The following NR1D2 variants were observed in gnomAD, a reference collection of about 807,000 sequenced individuals.
NR1D2 encodes V-erbA-related protein 1-related.
In NR1D2, 25 loss-of-function variants were observed where a neutral mutation model predicts 52.2. The ratio of observed to expected loss-of-function variants is 0.48; its 90% CI spans 0.35 to 0.67. The LOEUF (loss-of-function observed/expected upper bound fraction) is 0.67, where lower values mean the gene tolerates loss of function less well. NR1D2 is among the 30% of genes least tolerant of loss of function. NR1D2 has a pLI of 0.01. For synonymous variants in NR1D2, 259 were observed against 230.1 expected, an observed-to-expected ratio of 1.13 and a Z score of -1.14; for missense variants, 681 against 707.2, an observed-to-expected ratio of 0.96 and a Z score of 0.42.
intron 4 of NR1D2, among the ~76,000 whole-genome samples, chr3:23,961,565 T>G (rs1706246795): frequency 6.6e-6 from 1 of 151,910 alleles, no homozygotes; most frequent in African/African-American, 2.4e-5. Flanking sequence ...CTGGCTAGTT[T>G]TTGTTTTTTT....
chr3:23,964,844 A>G, intron 5 of NR1D2, 133 bp from the exon 6 acceptor site: 1 of 614,878 alleles, frequency 1.6e-6, no homozygotes, highest in South Asian at 2.2e-5. Flanking sequence ...ATGAAGTGCT[A>G]ATATCTCAGT....
At chr3:23,947,147 C>T (rs1020099640) in intron 1 of NR1D2, among the ~76,000 whole-genome samples, 2 of 152,120 alleles carry the variant, frequency 1.3e-5, no homozygotes, top group African/African-American at 2.4e-5. Flanking sequence ...TAGAATTAAA[C>T]TTCTACATGT....
intron 2 of NR1D2, 42 bp from the exon 3 acceptor site, chr3:23,955,995 T>C (rs1220806553): frequency 7.3e-7 from 1 of 1,371,180 alleles, no homozygotes; most frequent in South Asian, 1.2e-5. Context: ...ACAGACTCGG[T>C]GTTTCCTCCT....
chr3:23,950,649 G>A (rs1235790400), intron 1 of NR1D2, among the ~76,000 whole-genome samples: 1 of 152,208 alleles, frequency 6.6e-6, no homozygotes, highest in Admixed American at 6.5e-5. Context: ...GGAGAATGCA[G>A]CTACTTCTAG....
In NR1D2 at chr3:23,962,451, C is replaced by T; in HGVS notation, c.992C>T (p.Pro331Leu). The change falls in exon 5 of 8, where the codon CCA becomes CTA. Residue 331 changes from proline to leucine, a missense_variant. By Grantham distance (98) the Pro-to-Leu change is moderately conservative. Around this residue, in one of 3 missense-constraint regions of NR1D2, gnomAD observed 475 missense variants for 454.5 expected, o/e 1.05. Coordinates refer to ENST00000312521, the MANE Select transcript of NR1D2 (RefSeq NM_005126.5). ...QFKGRNIMHY[P>L]NGHAICIANG... Reference sequence around the variant, plus strand: ...AAAGGGAGGAATATAATGCATTACCCAAATGGTCATGCCATTTGTATTGCA... The same window carrying T: ...AAAGGGAGGAATATAATGCATTACCTAAATGGTCATGCCATTTGTATTGCA... The T allele has an allele frequency of 1.2e-6, 2 of 1,614,056 alleles. No homozygotes were observed. Among genetic ancestry groups the T allele is most frequent in the Non-Finnish European group, 1.7e-6 (2 of 1,179,980 alleles).
At position 23,979,303 on chromosome 3, in the gene NR1D2, T is replaced by A. The variant is rs1706815700; in HGVS notation, c.*1884T>A. 1 of 152,142 alleles carries A rather than the reference T, an allele frequency of 6.6e-6. No individual in the cohort carries two copies. Among genetic ancestry groups the A allele is most frequent in the Non-Finnish European group, 1.5e-5 (1 of 67,938 alleles). 9.4% of individuals were successfully genotyped at this position (152,142 alleles called of 1,614,324 possible). Reference sequence around the variant, plus strand: ...GGATATACAGTATAGTTTTTGTGAATCTTTACATGATAGCATTATCTTTTT... The same window carrying A: ...GGATATACAGTATAGTTTTTGTGAAACTTTACATGATAGCATTATCTTTTT... On this transcript the variant is annotated 3_prime_UTR_variant, in exon 8 of 8. Transcript: ENST00000312521.
intron 1 of NR1D2, among the ~76,000 whole-genome samples, chr3:23,949,333 C>T (rs1395316656): frequency 2.6e-5 from 4 of 151,976 alleles, no homozygotes; most frequent in Non-Finnish European, 5.9e-5. Context: ...CCATTGCACT[C>T]CATCCTGGGT....
intron 1 of NR1D2, 45 bp downstream of exon 1, chr3:23,945,639 C>G: frequency 5.2e-6 from 6 of 1,152,170 alleles, no homozygotes; most frequent in Non-Finnish European, 6.5e-6. Flanking sequence ...GGAGGGAGCG[C>G]TCAGAGCCCG....
In NR1D2 at chr3:23,965,129, C is replaced by G. The variant is rs777009620; in HGVS notation, c.1299C>G (p.Asp433Glu). ...GGTTCAGAGATCTCTCTCAGCATGA[C>G]CAGGTCAACCTTTTAAAGGCTGGGA... ...IPGFRDLSQH[D>E]QVNLLKAGTF... The change falls in exon 6 of 8, where the codon GAC becomes GAG. Residue 433 changes from aspartate (D) to glutamate (E), a missense_variant. Physicochemically the swap from Asp to Glu is conservative, Grantham distance 45. Around this residue, in one of 3 missense-constraint regions of NR1D2, gnomAD observed 475 missense variants for 454.5 expected, o/e 1.05. Transcript: ENST00000312521. 8.1e-6 allele frequency: 13 copies of G among 1,611,890 alleles called. No homozygotes were observed. Among genetic ancestry groups the G allele is most frequent in the African/African-American group, 1.3e-5 (1 of 74,786 alleles).
chr3:23,954,693 G>A lies in NR1D2; in HGVS notation c.173G>A (p.Gly58Asp), dbSNP rs143811972. 1.9e-5 allele frequency: 30 copies of A among 1,613,916 alleles called. No homozygotes were observed. The highest frequency in any genetic ancestry group is 2.1e-5 in the Non-Finnish European group (25 of 1,179,968). ...NSDTNGNPKN[G>D]DLANIEGILK... The stretch of plus-strand genomic sequence containing the variant: ...GATACCAATGGTAATCCCAAGAATG[G>A]TGATCTCGCCAATATTGAAGGCATC... Residue 58 changes from glycine (G) to aspartate (D), a missense_variant, in exon 2 of 8, where the codon GGT becomes GAT. Transcript: ENST00000312521.
In NR1D2 at chr3:23,945,488, C is replaced by T. The variant is rs1310315093; in HGVS notation, c.-91C>T. 7.3e-6 allele frequency: 6 copies of T among 821,704 alleles called. No individual in the cohort carries two copies. Among genetic ancestry groups the T allele is most frequent in the Non-Finnish European group, 7.6e-6 (5 of 657,600 alleles). The allele number at this position is 821,704 out of a possible 1,614,324, so 50.9% of individuals were successfully genotyped here. ...GGGGCCCCGCGACCACCGCTGCTTC[C>T]AGCCCGGGGCGGCGCGGCGCTGAGG... On this transcript the variant is annotated 5_prime_UTR_variant, in exon 1 of 8. The change creates a premature stop within an existing upstream ORF in the 5' untranslated region. Transcript: ENST00000312521.
chr3:23,945,823 C>CGGCCCCCCCCTCACAT (rs1306024090), intron 1 of NR1D2, among the ~76,000 whole-genome samples: 2 of 150,608 alleles, frequency 1.3e-5, no homozygotes, highest in African/African-American at 4.9e-5. Context: ...GCGCCCGGCC[C>CGGCCCCCCCCTCACAT]GGCCCCCCCC....
intron 5 of NR1D2, chr3:23,963,472 G>A (rs1340151019): frequency 9.6e-7 from 1 of 1,042,958 alleles, no homozygotes; most frequent in East Asian, 6.9e-5. Flanking sequence ...TTTTTTTTGA[G>A]ACATTCTTGC....
chr3:23,959,005 A>G (rs4589882), intron 3 of NR1D2, among the ~76,000 whole-genome samples: 119,942 of 152,042 alleles, frequency 0.79, 47,978 homozygotes, highest in African/African-American at 0.91. Flanking sequence ...GGTGGCTTAC[A>G]CCCTGTAAGT....
chr3:23,963,255 A>C (rs1472645463), intron 5 of NR1D2: 1 of 1,351,182 alleles, frequency 7.4e-7, no homozygotes, highest in East Asian at 4.6e-5. Context: ...AAATTTCACC[A>C]AAAACAGCAG....
intron 6 of NR1D2, among the ~76,000 whole-genome samples, chr3:23,965,873 C>T (rs1706437372): frequency 6.6e-6 from 1 of 152,154 alleles, no homozygotes; most frequent in Non-Finnish European, 1.5e-5. Context: ...AATGTGATTT[C>T]GTTTTTCGAG....
rs4858097 is a variant in NR1D2 at position 23,964,986 on chromosome 3, A to G, written c.1156A>G (p.Met386Val). 3.1e-6 allele frequency: 5 copies of G among 1,610,300 alleles called. No individual in the cohort carries two copies. The highest frequency in any genetic ancestry group is 1.3e-5 in the African/African-American group (1 of 74,722). The stretch of plus-strand genomic sequence containing the variant: ...GTTTTATGTATACTAGGTTTGTCCA[A>G]TGAGTAAGTCTCCATATGTGGATCC... ...TGGRMHLVCP[M>V]SKSPYVDPHK... Residue 386 changes from methionine to valine, a missense_variant, in exon 6 of 8, where the codon ATG becomes GTG. Transcript: ENST00000312521.
chr3:23,958,748 A>G (rs1706153097), intron 3 of NR1D2, among the ~76,000 whole-genome samples: 1 of 151,242 alleles, frequency 6.6e-6, no homozygotes, highest in Admixed American at 6.6e-5. Flanking sequence ...AGGAGTTCAA[A>G]ACCAGCCTGG....
In NR1D2 at chr3:23,979,872, A is replaced by C. The variant is rs1444637410; in HGVS notation, c.*2453A>C. 3.3e-5 allele frequency: 5 copies of C among 152,156 alleles called. No individual in the cohort carries two copies. The South Asian group carries it at 6.2e-4, about 19-fold the overall frequency. 9.4% of individuals were successfully genotyped at this position (152,156 alleles called of 1,614,324 possible). ...TACTGTATGAATTAAGTGATGCTTTAACTTTGATTTTACATTTTAAAGTTA... is the reference window on the plus strand; with the variant it reads ...TACTGTATGAATTAAGTGATGCTTTCACTTTGATTTTACATTTTAAAGTTA... On this transcript the variant is annotated 3_prime_UTR_variant, in exon 8 of 8. Coordinates refer to ENST00000312521, the MANE Select transcript of NR1D2 (RefSeq NM_005126.5).
Sources: allele counts gnomAD v4.1 joint callset (sites outside exome capture counted in the v4.1 genomes callset), GRCh38; gene constraint gnomAD v4.1.1; regional missense constraint gnomAD v4.1.1; transcripts MANE v1.5; gene names NCBI Gene and HGNC (gene_info 2026-07-23, HGNC 2026-07-21).